PHRF1: variants seen among roughly 807,000 people sequenced by gnomAD.
PHRF1 encodes PHD and RING finger domain-containing protein 1.
Under a neutral mutation model 128.9 loss-of-function variants are expected in PHRF1, and 53 were observed. The observed-to-expected ratio is 0.41, with a 90% CI of 0.33 to 0.52. The LOEUF (loss-of-function observed/expected upper bound fraction) is 0.52, where lower values mean the gene tolerates loss of function less well. Ranked by LOEUF, PHRF1 falls within the 20% of genes least tolerant of loss-of-function variation. The pLI is 0.21. For missense variants in PHRF1, 2,503 were observed against 2,284.5 expected, an observed-to-expected ratio of 1.10 and a Z score of -1.95; for synonymous variants, 1,178 against 980.6, an observed-to-expected ratio of 1.20 and a Z score of -3.76.
intron 13 of PHRF1, chr11:606,853 G>A: frequency 3.3e-6 from 3 of 916,868 alleles, no homozygotes; most frequent in Non-Finnish European, 4.8e-6. Context: ...TTAATATCGT[G>A]TCCTGATGGC....
intron 6 of PHRF1, among the ~76,000 whole-genome samples, chr11:594,322 C>T (rs1855158591): frequency 6.6e-6 from 1 of 152,240 alleles, no homozygotes; most frequent in Admixed American, 6.5e-5. Context: ...AGGCCCTCAT[C>T]GCAGGCCAGG....
intron 4 of PHRF1, among the ~76,000 whole-genome samples, chr11:590,121 G>A (rs182565389): frequency 1.1e-4 from 17 of 152,350 alleles, no homozygotes; most frequent in Non-Finnish European, 1.2e-4. Context: ...GGCACGGAGC[G>A]TGCAGGGTTC....
chr11:584,743 T>C (rs893614037), intron 3 of PHRF1, among the ~76,000 whole-genome samples: 5 of 147,148 alleles, frequency 3.4e-5, no homozygotes, highest in African/African-American at 1.3e-4. Flanking sequence ...TTTTTTTTTT[T>C]TTTTTTTTTT....
At chr11:589,673 G>A (rs73396303) in intron 4 of PHRF1, among the ~76,000 whole-genome samples, 5,071 of 152,350 alleles carry the variant, frequency 0.033, 259 homozygotes, top group African/African-American at 0.12. Context: ...AGAAAGCAAA[G>A]CTGAACCTTT....
intron 4 of PHRF1, among the ~76,000 whole-genome samples, chr11:589,250 A>G (rs1854776675): frequency 6.6e-6 from 1 of 152,216 alleles, no homozygotes; most frequent in Non-Finnish European, 1.5e-5. Context: ...TCATAAGGAG[A>G]CGTGTAAGAC....
At chr11:607,044 C>T (rs1589898583) in intron 13 of PHRF1, 22 bp from the exon 14 acceptor site, 13 of 1,541,336 alleles carry the variant, frequency 8.4e-6, no homozygotes, top group Non-Finnish European at 1.1e-5. Context: ...AAATGATTGC[C>T]ATTGACTTTT....
At chr11:581,234 GGTT>G (rs1370510630) in intron 1 of PHRF1, among the ~76,000 whole-genome samples, 1 of 147,964 alleles carries the variant, frequency 6.8e-6, no homozygotes, top group East Asian at 1.9e-4. Flanking sequence ...TACTGGTGAG[GGTT>G]GTTCTGTGGG....
rs1277137666 is a variant in PHRF1 at position 597,840 on chromosome 11, C to T, written c.894+270C>T. Among the ~76,000 whole-genome samples, 2 of 152,124 alleles carry T rather than the reference C, an allele frequency of 1.3e-5. No individual in the cohort carries two copies. Among genetic ancestry groups the T allele is most frequent in the African/African-American group, 2.4e-5 (1 of 41,416 alleles). The stretch of plus-strand genomic sequence containing the variant: ...CGGGGTGGGGGCTCTAGGAAACCCC[C>T]CTTGTTCCCCAGGCCCCATGCCAGC... On this transcript the variant is annotated intron_variant, in intron 8 of 17. Coordinates refer to ENST00000264555, the MANE Select transcript of PHRF1 (RefSeq NM_001286581.2). This position sits in a 1 kb window ranked among gnomAD's most constrained non-coding sequence, Gnocchi z 6.5.
At chr11:605,054 TA>T (rs1477184048) in intron 10 of PHRF1, 64 bp from the exon 11 acceptor site, 1 of 1,490,124 alleles carries the variant, frequency 6.7e-7, no homozygotes, top group African/African-American at 1.4e-5. Flanking sequence ...ACGTGGCATT[TA>T]CAGAGCCCTC....
chr11:589,325 G>T (rs1854782041), intron 4 of PHRF1, among the ~76,000 whole-genome samples: 1 of 152,214 alleles, frequency 6.6e-6, no homozygotes, highest in Non-Finnish European at 1.5e-5. Flanking sequence ...GAGACATCTT[G>T]CTCCATAGAG....
At chr11:599,253 CTTTTTTTTTTT>C (rs754658303) in intron 9 of PHRF1, among the ~76,000 whole-genome samples, 2 of 104,980 alleles carry the variant, frequency 1.9e-5, no homozygotes, top group Admixed American at 1.1e-4. Context: ...TTTTTCTTTT[CTTTTTTTTTTT>C]TTTTTTTTGA....
Position 608,190 on chromosome 11 carries a change from G to A in PHRF1, c.2734G>A (p.Glu912Lys), listed in dbSNP as rs981255407. Residue 912 changes from glutamate (E) to lysine (K), a missense_variant, in exon 14 of 18, where the codon GAG (glutamate) becomes AAG (lysine). Coordinates refer to ENST00000264555, the MANE Select transcript of PHRF1 (RefSeq NM_001286581.2). ...MSKLRGAVAA[E>K]GASDTEREEP... ...CAAGCTCCGGGGTGCAGTGGCTGCC[G>A]AGGGGGCCTCTGACACGGAGCGAGA... The A allele has an allele frequency of 1.4e-5, 22 of 1,609,734 alleles. No homozygotes were observed. Among genetic ancestry groups the A allele is most frequent in the South Asian group, 7.7e-5 (7 of 91,082 alleles).
intron 13 of PHRF1, 184 bp from the exon 14 acceptor site, chr11:606,882 T>C: frequency 1.9e-6 from 2 of 1,072,254 alleles, no homozygotes; most frequent in Non-Finnish European, 2.6e-6. Flanking sequence ...CTGTACTTTG[T>C]CATCCACAGA....
Position 608,461 on chromosome 11 carries a change from GGAA to G in PHRF1, c.3010_3012del (p.Lys1004del). On this transcript the variant is annotated inframe_deletion, in exon 14 of 18. Coordinates refer to ENST00000264555, the MANE Select transcript of PHRF1 (RefSeq NM_001286581.2). ...CGCTCCACATCCAGCTCCCGCAGCA[GGAA>G]GAAGGCCAAGAGGAAGAGGGTGTCC... The G allele has an allele frequency of 1.2e-6, 2 of 1,612,538 alleles. No individual in the cohort carries two copies. Among genetic ancestry groups the G allele is most frequent in the South Asian group, 2.2e-5 (2 of 91,076 alleles).
intron 3 of PHRF1, 43 bp from the exon 4 acceptor site, chr11:587,216 G>T (rs370510255): frequency 1.5e-5 from 24 of 1,594,318 alleles, no homozygotes; most frequent in Non-Finnish European, 1.9e-5. Context: ...CGCGGTTCAC[G>T]CTGCCCATCC....
Position 606,028 on chromosome 11 carries a change from C to CAGTG in PHRF1, c.1454+305_1454+308dup, listed in dbSNP as rs1490653983. 7.2e-5 allele frequency among the ~76,000 whole-genome samples: 11 copies of CAGTG among 152,352 alleles called. No individual in the cohort carries two copies. In the East Asian group the frequency reaches 2.1e-3, roughly 29 times the overall value. On this transcript the variant is annotated intron_variant, in intron 12 of 17. Coordinates refer to ENST00000264555, the MANE Select transcript of PHRF1 (RefSeq NM_001286581.2). ...ACAGGGACACCGCCTCGGGCAGGAG[C>CAGTG]AGTGGCCCTGGTGAATAAGGCTGTC...
In PHRF1 at chr11:610,707, G is replaced by A. The variant is rs571895241; in HGVS notation, c.4623G>A (p.Ser1541=). ...GTCAAGCCACTGCAGCCAGCAACTC[G>A]GAGGAGAAGACCCCGGCCCCCAGGC... ...PASQATAASN[S]EEKTPAPRLA... is the part of the protein sequence containing the mutation. The change falls in exon 16 of 18, where the codon TCG becomes TCA. Residue 1541 remains serine, a synonymous_variant. Coordinates refer to ENST00000264555, the MANE Select transcript of PHRF1 (RefSeq NM_001286581.2). 3.1e-5 allele frequency: 50 copies of A among 1,603,176 alleles called. No homozygotes were observed. The Admixed American group carries it at 3.3e-4, about 11-fold the overall frequency.
At position 607,314 on chromosome 11, in the gene PHRF1, A is replaced by AGT; in HGVS notation, c.1862_1863dup (p.Pro622CysfsTer47). 1 of 1,612,638 alleles carries AGT rather than the reference A, an allele frequency of 6.2e-7. No individual in the cohort carries two copies. The highest frequency in any genetic ancestry group is 1.1e-5 in the South Asian group (1 of 91,084). The stretch of plus-strand genomic sequence containing the variant: ...TCAGGCTCGGAACTTGTCAAATGGG[A>AGT]GTGTGCCTGGCTTCAGACAGAGCCA... On this transcript the variant is annotated frameshift_variant, in exon 14 of 18. Transcript: ENST00000264555. LOFTEE classifies it high-confidence loss of function.
intron 4 of PHRF1, among the ~76,000 whole-genome samples, chr11:587,979 C>G (rs1854683285): frequency 6.6e-6 from 1 of 152,188 alleles, no homozygotes; most frequent in Non-Finnish European, 1.5e-5. Context: ...TCAGCTCCCC[C>G]CTCCCTTTCT....
Sources: allele counts gnomAD v4.1 joint callset (sites outside exome capture counted in the v4.1 genomes callset), GRCh38; gene constraint gnomAD v4.1.1; non-coding constraint Gnocchi (gnomAD v3.1); transcripts MANE v1.5; gene names NCBI Gene and HGNC (gene_info 2026-07-23, HGNC 2026-07-21).